MLIP: variants seen among roughly 807,000 people sequenced by gnomAD.
The protein encoded by MLIP is muscular LMNA-interacting protein.
A neutral mutation model predicts 84.8 loss-of-function variants in MLIP; 79 were observed. That is an observed-to-expected ratio of 0.93 (90% CI 0.78 to 1.12). The LOEUF (loss-of-function observed/expected upper bound fraction) is 1.12, where lower values mean the gene tolerates loss of function less well. Ranked by LOEUF, MLIP falls within the 50% of genes most tolerant of loss-of-function variation. MLIP has a pLI of 0.00. For missense variants in MLIP, 1,257 were observed against 1,160.6 expected, an observed-to-expected ratio of 1.08 and a Z score of -1.21; for synonymous variants, 504 against 463.0, an observed-to-expected ratio of 1.09 and a Z score of -1.14.
At chr6:54,195,804 C>T (rs1194937211) in intron 10 of MLIP, among the ~76,000 whole-genome samples, 1 of 152,080 alleles carries the variant, frequency 6.6e-6, no homozygotes. Flanking sequence ...ATCCTCTTCT[C>T]CTCCCCACTC....
intron 13 of MLIP, among the ~76,000 whole-genome samples, chr6:54,264,460 C>A (rs1253092271): frequency 6.6e-6 from 1 of 151,938 alleles, no homozygotes. Flanking sequence ...AGCACTATGA[C>A]CTTGGGTGTG....
intron 11 of MLIP, among the ~76,000 whole-genome samples, chr6:54,208,082 C>T (rs1441681546): frequency 6.6e-6 from 1 of 151,128 alleles, no homozygotes; most frequent in Non-Finnish European, 1.5e-5. Context: ...GAGCTGAGAT[C>T]GTGCCACTGC....
intron 1 of MLIP, among the ~76,000 whole-genome samples, chr6:54,079,150 A>G (rs1188073101): frequency 3.3e-5 from 5 of 152,224 alleles, no homozygotes; most frequent in Non-Finnish European, 7.3e-5. Context: ...AATATACTGA[A>G]GCAGGATCTA....
At chr6:54,155,520 G>A (rs906608985) in intron 5 of MLIP, among the ~76,000 whole-genome samples, 1 of 152,072 alleles carries the variant, frequency 6.6e-6, no homozygotes, top group South Asian at 2.1e-4. Flanking sequence ...TACAGATTCT[G>A]TTAGATCATT....
intron 1 of MLIP, among the ~76,000 whole-genome samples, chr6:54,076,891 A>G (rs1766837660): frequency 6.6e-6 from 1 of 152,156 alleles, no homozygotes; most frequent in Non-Finnish European, 1.5e-5. Context: ...GGTTTTAAAA[A>G]GAAAAAAAAA....
intron 9 of MLIP, among the ~76,000 whole-genome samples, chr6:54,182,563 C>G (rs138591680): frequency 6.6e-6 from 1 of 152,110 alleles, no homozygotes; most frequent in Non-Finnish European, 1.5e-5. Context: ...GCGGGAGGTA[C>G]GAACACTGTA....
chr6:54,097,006 C>T (rs369268917), intron 1 of MLIP, among the ~76,000 whole-genome samples: 7 of 152,122 alleles, frequency 4.6e-5, no homozygotes, highest in East Asian at 3.9e-4. Flanking sequence ...GCAACTGAGC[C>T]GAAGCAAGTA....
intron 1 of MLIP, among the ~76,000 whole-genome samples, chr6:54,115,067 C>G (rs1769792727): frequency 6.6e-6 from 1 of 152,122 alleles, no homozygotes; most frequent in South Asian, 2.1e-4. Context: ...AAAGAGTTTT[C>G]TAGGCCAGTG....
intron 1 of MLIP, among the ~76,000 whole-genome samples, chr6:54,051,851 G>A (rs1582036610): frequency 6.6e-6 from 1 of 152,094 alleles, no homozygotes; most frequent in Non-Finnish European, 1.5e-5. Context: ...TGGCATTATG[G>A]CAAGCATTTT....
chr6:54,081,357 G>A (rs1378439607), intron 1 of MLIP, among the ~76,000 whole-genome samples: 2 of 152,030 alleles, frequency 1.3e-5, no homozygotes, highest in East Asian at 1.9e-4. Context: ...GAGGAGAAAA[G>A]CAGTGGAACC....
At chr6:54,128,938 AG>A (rs777135074) in intron 3 of MLIP, among the ~76,000 whole-genome samples, 4 of 151,032 alleles carry the variant, frequency 2.6e-5, no homozygotes, top group Admixed American at 2.0e-4. Context: ...TTTTTTTTGG[AG>A]GGGGGGCACA....
intron 12 of MLIP, among the ~76,000 whole-genome samples, chr6:54,237,488 CAT>C (rs1175886350): frequency 6.6e-6 from 1 of 151,810 alleles, no homozygotes; most frequent in Non-Finnish European, 1.5e-5. Context: ...AACATATATA[CAT>C]ATATATTCAT....
At chr6:54,072,418 A>G (rs1300950340) in intron 1 of MLIP, among the ~76,000 whole-genome samples, 1 of 152,106 alleles carries the variant, frequency 6.6e-6, no homozygotes. Context: ...TCTTAGGGTA[A>G]TGGGTCTGTT....
In MLIP at chr6:54,128,907, A is replaced by C. The variant is rs1221124090; in HGVS notation, c.645+4042A>C. 3.9e-5 allele frequency among the ~76,000 whole-genome samples: 6 copies of C among 152,120 alleles called. 1 individual carries two copies. Among genetic ancestry groups the C allele is most frequent in the African/African-American group, 1.4e-4 (6 of 41,418 alleles). On this transcript the variant is annotated intron_variant, in intron 3 of 13. Transcript: ENST00000502396. ...AATAAATGATTTACTGTATCTAAGAAGTCTGAGATGGCAGCATTGTTTTTT... is the reference window on the plus strand; with the variant it reads ...AATAAATGATTTACTGTATCTAAGACGTCTGAGATGGCAGCATTGTTTTTT...
intron 12 of MLIP, among the ~76,000 whole-genome samples, chr6:54,242,576 T>C (rs148617219): frequency 6.6e-6 from 1 of 152,284 alleles, no homozygotes; most frequent in East Asian, 1.9e-4. Context: ...CAAGAGTTAA[T>C]AGAGATTATG....
At chr6:54,251,638 T>TTATAACATATAATATATAATACAAATATA (rs1562108250) in intron 12 of MLIP, among the ~76,000 whole-genome samples, 1 of 87,184 alleles carries the variant, frequency 1.1e-5, no homozygotes, top group African/African-American at 4.9e-5. Flanking sequence ...AATATATATA[T>TTATAACATATAATATATAATACAAATATA]TATAACATAT....
At chr6:54,188,780 A>C (rs1378278034) in intron 9 of MLIP, among the ~76,000 whole-genome samples, 1 of 150,508 alleles carries the variant, frequency 6.6e-6, no homozygotes, top group Non-Finnish European at 1.5e-5. Context: ...GAACATACCA[A>C]GACCCCCAAA....
chr6:54,245,311 T>C (rs1782004453), intron 12 of MLIP, among the ~76,000 whole-genome samples: 1 of 152,142 alleles, frequency 6.6e-6, no homozygotes, highest in Admixed American at 6.6e-5. Context: ...GCTGAGCAAA[T>C]GTGACTTCAG....
chr6:54,042,072 C>A (rs750797659), intron 1 of MLIP, among the ~76,000 whole-genome samples: 22 of 152,120 alleles, frequency 1.4e-4, no homozygotes, highest in Non-Finnish European at 1.8e-4. Context: ...GATCCCTTAA[C>A]AATATCAGGT....
Sources: gnomAD v4.1 joint callset for allele counts (sites outside exome capture counted in the v4.1 genomes callset) on GRCh38, gnomAD v4.1.1 for gene constraint, MANE v1.5 for transcripts, NCBI Gene and HGNC (gene_info 2026-07-23, HGNC 2026-07-21) for gene names.